Variants in PDZD4 observed in about 807,000 individuals in gnomAD.
The protein encoded by PDZD4 is PDZ domain containing 4.
PDZD4 carries 9 observed loss-of-function variants against 38.5 expected under a neutral mutation model. The observed-to-expected ratio is 0.23, with a 90% CI of 0.14 to 0.41. The LOEUF is 0.41. Ranked by LOEUF, PDZD4 falls within the 10% of genes least tolerant of loss-of-function variation. The probability of loss-of-function intolerance (pLI) is 1.00; values close to 1 mark genes in which losing one functional copy is unlikely to be tolerated. For missense variants in PDZD4, 612 were observed against 722.0 expected, an observed-to-expected ratio of 0.85 and a Z score of 1.75; for synonymous variants, 349 against 315.7, an observed-to-expected ratio of 1.11 and a Z score of -1.12.
rs2064532234 is a variant in PDZD4 at position 153,830,512 on chromosome X, T to C, written c.-214A>G. The stretch of plus-strand genomic sequence containing the variant: ...CGCTGGCCGAGGCCAGGCGCGGGCA[T>C]GCTCCCTCGCACCCGGCCAGGAGAA... On this transcript the variant is annotated 5_prime_UTR_variant, in exon 1 of 8. An upstream start codon of the reference 5' UTR is lost. Transcript: ENST00000393758. 4 of 307,532 alleles carry C rather than the reference T, an allele frequency of 1.3e-5. No homozygotes were observed. In the South Asian group the frequency reaches 2.8e-4, roughly 22 times the overall value. 25.3% of individuals were successfully genotyped at this position (307,532 alleles called of 1,213,427 possible). A position where few individuals can be genotyped will look rare whatever the true frequency, so the allele number is the denominator to read the frequency against.
At chrX:153,819,974 C>T (rs1298952427) in intron 1 of PDZD4, among the ~76,000 whole-genome samples, 1 of 111,825 alleles carries the variant, frequency 8.9e-6, no homozygotes, top group Non-Finnish European at 1.9e-5. Context: ...ACCCTTAGCA[C>T]GGAATTCCGC....
At chrX:153,807,228 G>A (rs782514549) in intron 3 of PDZD4, 51 bp downstream of exon 3, 4 of 1,156,320 alleles carry the variant, frequency 3.5e-6, no homozygotes, top group East Asian at 3.0e-5. Context: ...CACAGGCGTC[G>A]GGGCGGCTCC....
At chrX:153,808,273 C>T in intron 2 of PDZD4, 69 bp downstream of exon 2, 5 of 1,127,962 alleles carry the variant, frequency 4.4e-6, no homozygotes, top group Non-Finnish European at 5.9e-6. Context: ...GGGTGGCGTG[C>T]GGATGGCCGC....
At chrX:153,829,747 G>A (rs1173907934) in intron 1 of PDZD4, 1 of 753,965 alleles carries the variant, frequency 1.3e-6, no homozygotes, top group Admixed American at 8.6e-5. Flanking sequence ...GACGCCTAAG[G>A]CCCGGGAGCC....
chrX:153,829,808 C>A, intron 1 of PDZD4: 2 of 759,037 alleles, frequency 2.6e-6, no homozygotes, highest in Non-Finnish European at 3.1e-6. Context: ...GGGCACCCAG[C>A]CCCCGGACGG....
Position 153,805,626 on chromosome X carries a change from A to C in PDZD4, c.568-20T>G, listed in dbSNP as rs782099194. On this transcript the variant is annotated intron_variant, in intron 5 of 7. Coordinates refer to ENST00000393758, the MANE Select transcript of PDZD4 (RefSeq NM_001303512.2). ...GTTAATCTGAGGCAGGCAGGATACA[A>C]TCAACAAGCATGCTAGGGCTGGCCC... is the stretch of plus-strand genomic sequence containing the variant. The C allele has an allele frequency of 8.6e-7, 1 of 1,167,884 alleles. No individual in the cohort carries two copies. Among genetic ancestry groups the C allele is most frequent in the Admixed American group, 2.2e-5 (1 of 46,065 alleles).
intron 1 of PDZD4, among the ~76,000 whole-genome samples, chrX:153,819,035 T>G (rs782035338): frequency 8.9e-6 from 1 of 112,433 alleles, no homozygotes; most frequent in South Asian, 3.6e-4. Flanking sequence ...CGGGGCGCCC[T>G]AGGCGGAGAG....
rs1557075479 is a variant in PDZD4 at position 153,803,802 on chromosome X, G to A, written c.1879C>T (p.Arg627Cys). 2 of 1,204,234 alleles carry A rather than the reference G, an allele frequency of 1.7e-6. No individual in the cohort carries two copies. The highest frequency in any genetic ancestry group is 1.8e-5 in the South Asian group (1 of 56,912). Residue 627 changes from arginine to cysteine, a missense_variant, in exon 8 of 8, where the codon CGC (arginine) becomes TGC (cysteine). Around this residue, in one of 3 missense-constraint regions of PDZD4, gnomAD observed 300 missense variants for 284.6 expected, o/e 1.05. Coordinates refer to ENST00000393758, the MANE Select transcript of PDZD4 (RefSeq NM_001303512.2). Reference protein sequence around the residue: ...GVAAAATEAPRMEWKVKVRSD... With the variant: ...GVAAAATEAPCMEWKVKVRSD... Reference sequence around the variant, plus strand: ...CGCACCTTCACTTTCCACTCCATGCGCGGTGCTTCAGTGGCCGCGGCCGCC... The same window carrying A: ...CGCACCTTCACTTTCCACTCCATGCACGGTGCTTCAGTGGCCGCGGCCGCC...
chrX:153,829,832 C>T (rs938254869), intron 1 of PDZD4: 5 of 767,887 alleles, frequency 6.5e-6, no homozygotes, highest in Non-Finnish European at 7.7e-6. Context: ...TGGACCGCGC[C>T]CGGGGACGCC....
intron 1 of PDZD4, among the ~76,000 whole-genome samples, chrX:153,817,204 G>A (rs1476196611): frequency 9.0e-6 from 1 of 111,549 alleles, no homozygotes; most frequent in African/African-American, 3.3e-5. Context: ...AAGGTTAGGT[G>A]TAGCTTATGT....
intron 1 of PDZD4, among the ~76,000 whole-genome samples, chrX:153,828,788 G>T (rs940601935): frequency 8.9e-6 from 1 of 112,042 alleles, no homozygotes; most frequent in African/African-American, 3.2e-5. Flanking sequence ...TTGATGGAAT[G>T]ACTCCCGAAA....
chrX:153,810,601 A>G (rs782455557), intron 1 of PDZD4, among the ~76,000 whole-genome samples: 1 of 112,905 alleles, frequency 8.9e-6, no homozygotes, highest in South Asian at 3.6e-4. Flanking sequence ...AGTTGTGCGA[A>G]TATTAGCAAG....
intron 1 of PDZD4, among the ~76,000 whole-genome samples, chrX:153,829,075 G>T (rs1197935276): frequency 1.8e-5 from 2 of 111,549 alleles, no homozygotes; most frequent in African/African-American, 6.5e-5. Context: ...GCTCCGCCAG[G>T]GTGGGGCAAG....
chrX:153,823,416 C>G (rs1464102529), intron 1 of PDZD4, among the ~76,000 whole-genome samples: 2 of 110,485 alleles, frequency 1.8e-5, no homozygotes, highest in African/African-American at 3.3e-5. Context: ...TGGGGTTTCT[C>G]TATGTTGGTC....
At chrX:153,806,164 T>C in intron 4 of PDZD4, 31 bp from the exon 5 acceptor site, 1 of 1,198,395 alleles carries the variant, frequency 8.3e-7, no homozygotes, top group Non-Finnish European at 1.1e-6. Flanking sequence ...GGGGACTTGG[T>C]GCCTAACATG....
chrX:153,807,485 C>G, intron 2 of PDZD4, 116 bp from the exon 3 acceptor site: 1 of 779,597 alleles, frequency 1.3e-6, no homozygotes. Flanking sequence ...TGCTTGTGCT[C>G]TCAAGGGTGG....
intron 1 of PDZD4, among the ~76,000 whole-genome samples, chrX:153,826,313 T>C (rs1375981018): frequency 9.0e-6 from 1 of 111,328 alleles, no homozygotes; most frequent in Admixed American, 9.6e-5. Context: ...GCCAATGACA[T>C]GATCCTAATA....
chrX:153,825,668 G>A (rs782271266), intron 1 of PDZD4, among the ~76,000 whole-genome samples: 7 of 112,300 alleles, frequency 6.2e-5, no homozygotes, highest in Non-Finnish European at 1.1e-4. Flanking sequence ...GGAACCATGT[G>A]GTCATCTCAC....
rs2092191709 is a variant in PDZD4, at chrX:153,803,778, G to A, written c.1903C>T (p.Arg635Cys). Residue 635 changes from arginine to cysteine, a missense_variant, in exon 8 of 8, where the codon CGC becomes TGC. By Grantham distance (180) the Arg-to-Cys change is radical. This residue lies in a region of PDZD4 where 300 missense variants were observed against 284.6 expected (regional missense o/e 1.05). Transcript: ENST00000393758. ...APRMEWKVKV[R>C]SDGTRYVAKR... ...GCCACGTAGCGGGTTCCGTCGCTGCGCACCTTCACTTTCCACTCCATGCGC... is the reference window on the plus strand; with the variant it reads ...GCCACGTAGCGGGTTCCGTCGCTGCACACCTTCACTTTCCACTCCATGCGC... The A allele has an allele frequency of 8.3e-7, 1 of 1,207,638 alleles. No homozygotes were observed. Among genetic ancestry groups the A allele is most frequent in the Non-Finnish European group, 1.1e-6 (1 of 895,258 alleles).
Sources: allele counts gnomAD v4.1 joint callset (sites outside exome capture counted in the v4.1 genomes callset), GRCh38; gene constraint gnomAD v4.1.1; regional missense constraint gnomAD v4.1.1; transcripts MANE v1.5; gene names NCBI Gene and HGNC (gene_info 2026-07-23, HGNC 2026-07-21).